Variants in PVT1 observed in about 807,000 individuals in gnomAD.
The protein encoded by PVT1 is CXCR4/PVT1 fusion.
intron 3 of PVT1, among the ~76,000 whole-genome samples, chr8:127,979,297 T>C (rs1586464793): frequency 6.6e-6 from 1 of 152,270 alleles, no homozygotes; most frequent in Non-Finnish European, 1.5e-5. Context: ...GTTTGCACAC[T>C]GCTCACTACC....
chr8:128,079,810 C>T (rs956516288), intron 5 of PVT1, among the ~76,000 whole-genome samples: 2 of 151,244 alleles, frequency 1.3e-5, no homozygotes, highest in Non-Finnish European at 3.0e-5. Flanking sequence ...CTGCCAGCTC[C>T]GCCTCCTGGG....
intron 2 of PVT1, among the ~76,000 whole-genome samples, chr8:127,806,518 AAC>A (rs1814531248): frequency 6.6e-6 from 1 of 152,192 alleles, no homozygotes; most frequent in Non-Finnish European, 1.5e-5. Context: ...GAATTTTGCT[AAC>A]AAAGTCAGGT....
At chr8:128,070,817 C>G (rs1007650465) in intron 5 of PVT1, among the ~76,000 whole-genome samples, 2 of 152,280 alleles carry the variant, frequency 1.3e-5, no homozygotes, top group South Asian at 4.2e-4. Context: ...GCCAATTCTT[C>G]CCCCTGCCAT....
At chr8:127,900,181 G>C (rs1815740869) in intron 3 of PVT1, among the ~76,000 whole-genome samples, 1 of 152,018 alleles carries the variant, frequency 6.6e-6, no homozygotes, top group South Asian at 2.1e-4. Flanking sequence ...AGCTGGGACT[G>C]CAGGCGCGTA....
intron 4 of PVT1, among the ~76,000 whole-genome samples, chr8:128,022,852 G>A (rs2114356): frequency 0.034 from 5,030 of 146,980 alleles, 112 homozygotes; most frequent in Middle Eastern, 0.11. Context: ...TAAACATGAC[G>A]CAAGCTGAGA....
intron 3 of PVT1, chr8:127,947,504 C>T (rs1816436510): frequency 5.7e-6 from 2 of 348,460 alleles, no homozygotes; most frequent in South Asian, 4.5e-5. Context: ...CAATGCCAGG[C>T]ACACTGAGCC....
intron 2 of PVT1, among the ~76,000 whole-genome samples, chr8:127,870,021 C>T (rs1248491978): frequency 1.3e-5 from 2 of 152,156 alleles, no homozygotes; most frequent in East Asian, 1.9e-4. Flanking sequence ...CCAGGCTGGT[C>T]TCGAACTCCT....
At chr8:127,920,635 T>C (rs1385591033) in intron 3 of PVT1, among the ~76,000 whole-genome samples, 1 of 152,240 alleles carries the variant, frequency 6.6e-6, no homozygotes, top group Non-Finnish European at 1.5e-5. Flanking sequence ...TTGATTTATG[T>C]GCTTGCCAAA....
At chr8:128,100,660 G>C (rs1342823592) in intron 6 of PVT1, among the ~76,000 whole-genome samples, 1 of 152,326 alleles carries the variant, frequency 6.6e-6, no homozygotes, top group South Asian at 2.1e-4. Context: ...TTTGCAAAAG[G>C]TGTGTCAATG....
intron 4 of PVT1, among the ~76,000 whole-genome samples, chr8:128,064,867 C>T (rs1813882848): frequency 6.6e-6 from 1 of 152,202 alleles, no homozygotes; most frequent in East Asian, 1.9e-4. Context: ...GATATGAGTG[C>T]AATTAATGCA....
At chr8:128,073,381 C>T (rs1045343551) in intron 5 of PVT1, among the ~76,000 whole-genome samples, 6 of 152,170 alleles carry the variant, frequency 3.9e-5, no homozygotes, top group African/African-American at 1.2e-4. Flanking sequence ...CTTCATTCCT[C>T]CCTCCCTTCC....
At chr8:127,937,580 C>CACACACACACACACACACACACACACAG (rs59006608) in intron 3 of PVT1, among the ~76,000 whole-genome samples, 8 of 107,794 alleles carry the variant, frequency 7.4e-5, no homozygotes, top group African/African-American at 3.0e-4. Flanking sequence ...CACACACACA[C>CACACACACACACACACACACACACACAG]AGAGAGAGAG....
At chr8:128,056,099 C>T (rs1007114609) in intron 4 of PVT1, among the ~76,000 whole-genome samples, 6 of 152,284 alleles carry the variant, frequency 3.9e-5, no homozygotes, top group Non-Finnish European at 7.4e-5. Context: ...AATGTAGTGA[C>T]CTCTGAACAG....
At chr8:127,916,639 G>A (rs1291049376) in intron 3 of PVT1, among the ~76,000 whole-genome samples, 4 of 152,088 alleles carry the variant, frequency 2.6e-5, no homozygotes, top group East Asian at 1.9e-4. Flanking sequence ...AATTATTCCC[G>A]GAAGATCCAA....
intron 4 of PVT1, among the ~76,000 whole-genome samples, chr8:128,025,403 G>A (rs1376164297): frequency 1.3e-5 from 2 of 152,166 alleles, no homozygotes; most frequent in Non-Finnish European, 2.9e-5. Flanking sequence ...GAAGGCAGGA[G>A]GCCTGCGCAA....
intron 2 of PVT1, among the ~76,000 whole-genome samples, chr8:127,799,951 A>G (rs1452023241): frequency 6.6e-6 from 1 of 152,214 alleles, no homozygotes; most frequent in African/African-American, 2.4e-5. Context: ...GAGAAAGTAA[A>G]TAAAGCTGCA....
chr8:127,941,766 C>T (rs552237500), intron 3 of PVT1, among the ~76,000 whole-genome samples: 150 of 152,332 alleles, frequency 9.8e-4, no homozygotes, highest in African/African-American at 3.4e-3. Context: ...TCTTTCCAGG[C>T]CACACTCAGT....
At chr8:127,913,926 C>G (rs1013862302) in intron 3 of PVT1, among the ~76,000 whole-genome samples, 6 of 152,118 alleles carry the variant, frequency 3.9e-5, no homozygotes, top group Admixed American at 2.0e-4. Context: ...TCTGTTCTCT[C>G]CAGGCCCACA....
chr8:127,812,093 G>A (rs1024456183), intron 2 of PVT1, among the ~76,000 whole-genome samples: 1 of 148,362 alleles, frequency 6.7e-6, no homozygotes, highest in African/African-American at 2.5e-5. Flanking sequence ...TGGGTGACAG[G>A]GTGAGACATC....
Sources: gnomAD v4.1 joint callset for allele counts (sites outside exome capture counted in the v4.1 genomes callset) on GRCh38, gnomAD v4.1.1 for gene constraint, MANE v1.5 for transcripts, NCBI Gene and HGNC (gene_info 2026-07-23, HGNC 2026-07-21) for gene names.